The following PRIM2 variants were observed in gnomAD, a reference collection of about 807,000 sequenced individuals.
The protein encoded by PRIM2 is DNA primase large subunit.
Under a neutral mutation model 67.3 loss-of-function variants are expected in PRIM2, and 39 were observed. The ratio of observed to expected loss-of-function variants is 0.58; its 90% CI spans 0.45 to 0.76. The LOEUF is 0.76. PRIM2 is among the 30% of genes least tolerant of loss of function. The pLI is 0.00. For synonymous variants in PRIM2, 143 were observed against 198.7 expected (o/e 0.72, Z 2.36); for missense variants, 398 against 598.7 (o/e 0.66, Z 3.50).
chr6:57,514,567 C>T (rs1774441831), intron 8 of PRIM2, among the ~76,000 whole-genome samples: 1 of 152,134 alleles, frequency 6.6e-6, no homozygotes, highest in Non-Finnish European at 1.5e-5. Context: ...TTATAGTTCA[C>T]TGATTATAGT....
At chr6:57,459,161 A>G (rs1489787709) in intron 7 of PRIM2, among the ~76,000 whole-genome samples, 29 of 152,156 alleles carry the variant, frequency 1.9e-4, no homozygotes, top group Admixed American at 8.5e-4. Flanking sequence ...GGGTTTCTTT[A>G]TCTGTAAAAT....
At chr6:57,593,049 T>C (rs1386943840) in intron 10 of PRIM2, among the ~76,000 whole-genome samples, 1 of 152,152 alleles carries the variant, frequency 6.6e-6, no homozygotes, top group Admixed American at 6.5e-5. Context: ...GTGTGCCTGC[T>C]TTACAGTTTT....
chr6:57,350,302 T>A (rs531765031), intron 5 of PRIM2, among the ~76,000 whole-genome samples: 2 of 152,322 alleles, frequency 1.3e-5, no homozygotes, highest in South Asian at 4.1e-4. Flanking sequence ...ATCATCCATT[T>A]ATGACTATGA....
chr6:57,483,591 A>G (rs1287026887), intron 7 of PRIM2, among the ~76,000 whole-genome samples: 1 of 152,186 alleles, frequency 6.6e-6, no homozygotes, highest in East Asian at 1.9e-4. Context: ...TGAAACGGTC[A>G]CTGGGCAAGG....
At chr6:57,558,737 GA>G (rs1727288255) in intron 10 of PRIM2, among the ~76,000 whole-genome samples, 1 of 152,114 alleles carries the variant, frequency 6.6e-6, no homozygotes, top group African/African-American at 2.4e-5. Context: ...TAAAATGTCA[GA>G]TGTCCAAAGC....
At chr6:57,338,496 A>T (rs1230465150) in intron 5 of PRIM2, among the ~76,000 whole-genome samples, 2 of 150,590 alleles carry the variant, frequency 1.3e-5, no homozygotes, top group African/African-American at 2.5e-5. Context: ...AGCACATCAA[A>T]AAGCTTATCC....
At chr6:57,284,854 A>G in the PRIM2 span, among the ~76,000 whole-genome samples, 1 of 152,176 alleles carries the variant, frequency 6.6e-6, no homozygotes, top group Non-Finnish European at 1.5e-5. Flanking sequence ...AATTTTGCAA[A>G]GATTAACAAA....
rs13191225 is a variant in PRIM2, at chr6:57,416,612, A to G, written c.693+34444A>G. 1.3e-3 allele frequency among the ~76,000 whole-genome samples: 191 copies of G among 152,312 alleles called. 5 individuals carry two copies. In the East Asian group the frequency reaches 0.016, roughly 13 times the overall value. ...ATGGCATCTTCTTCCAGTATTAGGCAGTTTCATCTACATTAAAAAGCTGTT... is the reference window on the plus strand; with the variant it reads ...ATGGCATCTTCTTCCAGTATTAGGCGGTTTCATCTACATTAAAAAGCTGTT... On this transcript the variant is annotated intron_variant, in intron 7 of 13. Coordinates refer to ENST00000615550, the MANE Select transcript of PRIM2 (RefSeq NM_000947.5).
chr6:57,533,684 T>C, intron 9 of PRIM2, among the ~76,000 whole-genome samples: 1 of 152,224 alleles, frequency 6.6e-6, no homozygotes, highest in Non-Finnish European at 1.5e-5. Context: ...TGTTCTTAGT[T>C]CTAGCTAGAT....
At chr6:57,399,455 G>A (rs6914938) in intron 7 of PRIM2, among the ~76,000 whole-genome samples, 5 of 152,168 alleles carry the variant, frequency 3.3e-5, no homozygotes, top group African/African-American at 4.8e-5. Flanking sequence ...GGACATTTGG[G>A]TTGGTTCCAA....
intron 5 of PRIM2, among the ~76,000 whole-genome samples, chr6:57,366,062 C>A (rs1769347611): frequency 6.7e-6 from 1 of 149,134 alleles, no homozygotes; most frequent in Non-Finnish European, 1.5e-5. Flanking sequence ...TAGTATTGTA[C>A]ATAAATAATA....
At position 57,446,418 on chromosome 6, in the gene PRIM2, C is replaced by CTTT. The variant is rs397958660; in HGVS notation, c.694-60956_694-60954dup. Among the ~76,000 whole-genome samples the CTTT allele has an allele frequency of 2.9e-4, 24 of 83,820 alleles. 3 individuals carry two copies. Among genetic ancestry groups the CTTT allele is most frequent in the South Asian group, 9.2e-4 (2 of 2,174 alleles). The allele number at this position is 83,820 out of a possible 152,430, so 55.0% of individuals were successfully genotyped here. A position where few individuals can be genotyped will look rare whatever the true frequency, so the allele number is the denominator to read the frequency against. On this transcript the variant is annotated intron_variant, in intron 7 of 13. Coordinates refer to ENST00000615550, the MANE Select transcript of PRIM2 (RefSeq NM_000947.5). ...GGCATAGGCCTGGCACACGCCACTTCTTTTTTTTTTTTTTTGAGACAGTCT... is the reference window on the plus strand; with the variant it reads ...GGCATAGGCCTGGCACACGCCACTTCTTTTTTTTTTTTTTTTTTGAGACAGTCT...
intron 7 of PRIM2, among the ~76,000 whole-genome samples, chr6:57,502,026 C>T (rs1221452274): frequency 1.3e-5 from 2 of 152,010 alleles, no homozygotes; most frequent in African/African-American, 2.4e-5. Flanking sequence ...AATTGGTGAC[C>T]CAACCCCCTC....
chr6:57,632,446 C>T (rs1276592224), intron 13 of PRIM2, among the ~76,000 whole-genome samples: 3 of 152,196 alleles, frequency 2.0e-5, no homozygotes, highest in Non-Finnish European at 2.9e-5. Context: ...CTACAGTTGT[C>T]ACCCACCACT....
the PRIM2 span, among the ~76,000 whole-genome samples, chr6:57,298,128 G>A: frequency 2.0e-4 from 31 of 152,262 alleles, no homozygotes; most frequent in African/African-American, 7.2e-4. Context: ...TTGGGAAGCC[G>A]AGGTGGGCAG....
chr6:57,556,393 C>A (rs1301784514), intron 10 of PRIM2, among the ~76,000 whole-genome samples: 1 of 152,134 alleles, frequency 6.6e-6, no homozygotes, highest in African/African-American at 2.4e-5. Context: ...TCAAACTATA[C>A]TACAGGGCTA....
Position 57,559,135 on chromosome 6 carries a change from GAA to G in PRIM2, c.1020+21524_1020+21525del, listed in dbSNP as rs1260639270. Reference sequence around the variant, plus strand: ...ATAGAGTGACACCCTGCGTCTTAAAGAAAAAAAAAAAAAAAGTTTTGGGCTTT... The same window carrying G: ...ATAGAGTGACACCCTGCGTCTTAAAGAAAAAAAAAAAAAGTTTTGGGCTTT... On this transcript the variant is annotated intron_variant, in intron 10 of 13. Coordinates refer to ENST00000615550, the MANE Select transcript of PRIM2 (RefSeq NM_000947.5). Among the ~76,000 whole-genome samples, 34 of 123,160 alleles carry G rather than the reference GAA, an allele frequency of 2.8e-4. 1 individual carries two copies. Among genetic ancestry groups the G allele is most frequent in the Non-Finnish European group, 3.3e-4 (19 of 56,878 alleles). 80.8% of individuals were successfully genotyped at this position (123,160 alleles called of 152,430 possible). A position where few individuals can be genotyped will look rare whatever the true frequency, so the allele number is the denominator to read the frequency against.
chr6:57,350,719 C>T (rs1275132457), intron 5 of PRIM2, among the ~76,000 whole-genome samples: 1 of 152,252 alleles, frequency 6.6e-6, no homozygotes, highest in East Asian at 1.9e-4. Flanking sequence ...CCGCGTGGTT[C>T]TTTCTTCCCT....
chr6:57,277,265 T>C, the PRIM2 span, among the ~76,000 whole-genome samples: 1 of 152,204 alleles, frequency 6.6e-6, no homozygotes, highest in South Asian at 2.1e-4. Context: ...CTCTGCACTG[T>C]TCTAGGACAC....
Sources: allele counts gnomAD v4.1 joint callset (sites outside exome capture counted in the v4.1 genomes callset), GRCh38; gene constraint gnomAD v4.1.1; transcripts MANE v1.5; gene names NCBI Gene and HGNC (gene_info 2026-07-23, HGNC 2026-07-21).